URB1: variants seen among roughly 807,000 people sequenced by gnomAD.
URB1 encodes the protein URB1 ribosome biogenesis factor.
Under a neutral mutation model 242.3 loss-of-function variants are expected in URB1, and 197 were observed. That is an observed-to-expected ratio of 0.81 (90% CI 0.72 to 0.91). The LOEUF (loss-of-function observed/expected upper bound fraction) is 0.91, where lower values mean the gene tolerates loss of function less well. Ranked by LOEUF, URB1 falls within the 40% of genes least tolerant of loss-of-function variation. The probability of loss-of-function intolerance (pLI) is 0.00; values close to 1 mark genes in which losing one functional copy is unlikely to be tolerated. For synonymous variants in URB1, 1,153 were observed against 1,201.8 expected (o/e 0.96, Z 0.84); for missense variants, 2,721 against 2,860.5 (o/e 0.95, Z 1.11).
At chr21:32,329,884 A>G (rs2032873718) in intron 30 of URB1, among the ~76,000 whole-genome samples, 1 of 152,240 alleles carries the variant, frequency 6.6e-6, no homozygotes, top group Non-Finnish European at 1.5e-5. Flanking sequence ...GCAGCTTGGC[A>G]GCAAAGATTA....
chr21:32,354,870 G>T lies in URB1; in HGVS notation c.2234C>A (p.Ser745Tyr), dbSNP rs965863383. The T allele has an allele frequency of 3.7e-5, 57 of 1,552,250 alleles. No individual in the cohort carries two copies. Among genetic ancestry groups the T allele is most frequent in the Non-Finnish European group, 4.6e-5 (53 of 1,147,124 alleles). The stretch of plus-strand genomic sequence containing the variant: ...AGAATGGAACATACCGTCAATGTGG[G>T]AGATGGGAATGCTCATGTCATCGGC... ...QEADDMSIPI[S>Y]HIDDVLDMVD... Residue 745 changes from serine (S) to tyrosine (Y), a missense_variant, in exon 17 of 39, where the codon TCC (serine) becomes TAC (tyrosine). Physicochemically the swap from Ser to Tyr is moderately radical, Grantham distance 144. Transcript: ENST00000382751.
chr21:32,357,031 T>C (rs751746844), intron 15 of URB1, among the ~76,000 whole-genome samples: 47 of 152,228 alleles, frequency 3.1e-4, no homozygotes, highest in African/African-American at 8.4e-4. Context: ...CCAAGCTGTT[T>C]GTTGCAGAGC....
In URB1 at chr21:32,348,216, C is replaced by A. The variant is rs551057417; in HGVS notation, c.3013-405G>T. On this transcript the variant is annotated intron_variant, in intron 21 of 38. Transcript: ENST00000382751. ...AGAAACACCACCATGTGAGTAAGAT[C>A]AATCAGCTGCTGGCTTCTCCTCAGC... 5.9e-5 allele frequency among the ~76,000 whole-genome samples: 9 copies of A among 152,312 alleles called. No individual in the cohort carries two copies. In the East Asian group the frequency reaches 1.7e-3, roughly 29 times the overall value.
chr21:32,319,121 G>T, intron 36 of URB1, 96 bp downstream of exon 36: 2 of 1,286,188 alleles, frequency 1.6e-6, no homozygotes, highest in Non-Finnish European at 2.1e-6. Context: ...CGTCCCCCTG[G>T]TACAGAGTCA....
At chr21:32,392,305 G>A (rs967019442) in intron 1 of URB1, among the ~76,000 whole-genome samples, 19 of 152,188 alleles carry the variant, frequency 1.2e-4, no homozygotes, top group African/African-American at 4.3e-4. Flanking sequence ...AGTAGCTGTG[G>A]TGGCTTCTAG....
chr21:32,387,255 C>A (rs760383826), intron 1 of URB1, among the ~76,000 whole-genome samples: 6 of 152,154 alleles, frequency 3.9e-5, no homozygotes, highest in Non-Finnish European at 8.8e-5. Context: ...TGTGCCGCTG[C>A]CCACAGAATT....
At position 32,351,293 on chromosome 21, in the gene URB1, G is replaced by A. The variant is rs115359752; in HGVS notation, c.2614-371C>T. Among the ~76,000 whole-genome samples, 386 of 152,304 alleles carry A rather than the reference G, an allele frequency of 2.5e-3. 1 individual carries two copies. Among genetic ancestry groups the A allele is most frequent in the African/African-American group, 8.4e-3 (351 of 41,556 alleles). On this transcript the variant is annotated intron_variant, in intron 19 of 38. Transcript: ENST00000382751. The stretch of plus-strand genomic sequence containing the variant: ...CAGCCCACAGAGAAGCCCGCTCTGC[G>A]AGTGGCCTGCCTTCGGAAGACCTTC...
At chr21:32,322,290 G>C (rs901971352) in intron 33 of URB1, among the ~76,000 whole-genome samples, 188 bp downstream of exon 33, 11 of 152,230 alleles carry the variant, frequency 7.2e-5, no homozygotes, top group African/African-American at 2.4e-5. Flanking sequence ...TTTAAGGTTT[G>C]AGGCGCCATG....
At chr21:32,389,627 C>T (rs1476178231) in intron 1 of URB1, among the ~76,000 whole-genome samples, 3 of 152,194 alleles carry the variant, frequency 2.0e-5, no homozygotes, top group African/African-American at 7.2e-5. Flanking sequence ...CTGATGCAGA[C>T]GGAGGGTTCT....
intron 1 of URB1, among the ~76,000 whole-genome samples, chr21:32,387,279 C>T (rs1026650012): frequency 1.3e-5 from 2 of 152,166 alleles, no homozygotes; most frequent in Non-Finnish European, 2.9e-5. Context: ...CTGCCAGAAC[C>T]TGTTCTATAA....
intron 9 of URB1, among the ~76,000 whole-genome samples, chr21:32,367,160 GCA>G (rs2033355502): frequency 6.6e-6 from 1 of 152,158 alleles, no homozygotes; most frequent in Non-Finnish European, 1.5e-5. Context: ...TTTGGGATAG[GCA>G]CACTTTACAT....
At chr21:32,316,424 T>C in intron 38 of URB1, 42 bp downstream of exon 38, 1 of 1,463,482 alleles carries the variant, frequency 6.8e-7, no homozygotes, top group Non-Finnish European at 9.0e-7. Flanking sequence ...GGCCCACTTC[T>C]GCATCTATTT....
chr21:32,371,415 C>T (rs2033404798), intron 8 of URB1, among the ~76,000 whole-genome samples: 1 of 152,156 alleles, frequency 6.6e-6, no homozygotes, highest in African/African-American at 2.4e-5. Context: ...GGGAACAATG[C>T]ATGTGTTTTA....
chr21:32,311,636 G>A lies in URB1; in HGVS notation c.*3282C>T. On this transcript the variant is annotated 3_prime_UTR_variant, in exon 39 of 39. Coordinates refer to ENST00000382751, the MANE Select transcript of URB1 (RefSeq NM_014825.3). Reference sequence around the variant, plus strand: ...ACCCCCCAGCCCCACAGTATGGACTGTTCTGCAGCAACTATGATGCCTGCC... The same window carrying A: ...ACCCCCCAGCCCCACAGTATGGACTATTCTGCAGCAACTATGATGCCTGCC... 1.2e-6 allele frequency: 2 copies of A among 1,602,688 alleles called. No homozygotes were observed. The highest frequency in any genetic ancestry group is 1.7e-6 in the Non-Finnish European group (2 of 1,174,640).
Position 32,334,366 on chromosome 21 carries a change from A to G in URB1, c.4686-32T>C, listed in dbSNP as rs930354073. 68 of 1,523,584 alleles carry G rather than the reference A, an allele frequency of 4.5e-5. No individual in the cohort carries two copies. In the Middle Eastern group the frequency reaches 5.1e-4, roughly 11 times the overall value. The allele number at this position is 1,523,584 out of a possible 1,614,324, so 94.4% of individuals were successfully genotyped here. On this transcript the variant is annotated intron_variant, in intron 28 of 38. Coordinates refer to ENST00000382751, the MANE Select transcript of URB1 (RefSeq NM_014825.3). ...CCAGAAAAGGGAAAAGAGACTGGTCACAGAGCCCCCCGGGAACAGAATTAA... is the reference window on the plus strand; with the variant it reads ...CCAGAAAAGGGAAAAGAGACTGGTCGCAGAGCCCCCCGGGAACAGAATTAA...
Position 32,363,296 on chromosome 21 carries a change from A to G in URB1, c.1369T>C (p.Ser457Pro), listed in dbSNP as rs148292685. Reference sequence around the variant, plus strand: ...CTCTTCAAAATGACAGAAATAAGGGATAAGGCTGTGTGCCTCACTGAGGTG... The same window carrying G: ...CTCTTCAAAATGACAGAAATAAGGGGTAAGGCTGTGTGCCTCACTGAGGTG... ...DSTSVRHTALSLISVILKRAL... is the reference protein window; with the variant it reads ...DSTSVRHTALPLISVILKRAL... The change falls in exon 11 of 39, where the codon TCC becomes CCC. Residue 457 changes from serine (S) to proline (P), a missense_variant. Transcript: ENST00000382751. 6.0e-5 allele frequency: 93 copies of G among 1,551,556 alleles called. No individual in the cohort carries two copies. Among genetic ancestry groups the G allele is most frequent in the Admixed American group, 1.6e-4 (8 of 50,984 alleles).
chr21:32,329,141 A>T (rs2032864480), intron 30 of URB1, among the ~76,000 whole-genome samples: 1 of 151,732 alleles, frequency 6.6e-6, no homozygotes, highest in African/African-American at 2.4e-5. Flanking sequence ...GGTGGTGCAC[A>T]TTTGCAGTCC....
In URB1 at chr21:32,378,488, A is replaced by G. The variant is rs1480748581; in HGVS notation, c.621T>C (p.Ile207=). ...GCACTATAGTGCTGTCATCACCCGC[A>G]ATTAAAAAGGAGAGAGCAAACTGAA... ...AYVQFALSFL[I]AGDDSTIVQV... Residue 207 remains isoleucine (I), a synonymous_variant, in exon 5 of 39, where the codon ATT becomes ATC. Transcript: ENST00000382751. 1 of 1,551,664 alleles carries G rather than the reference A, an allele frequency of 6.4e-7. No homozygotes were observed. Among genetic ancestry groups the G allele is most frequent in the South Asian group, 1.2e-5 (1 of 84,056 alleles).
intron 30 of URB1, among the ~76,000 whole-genome samples, chr21:32,330,748 G>A (rs2032884576): frequency 6.6e-6 from 1 of 152,248 alleles, no homozygotes; most frequent in South Asian, 2.1e-4. Context: ...GAGATCTGCT[G>A]CAGTTAGCCT....
Sources: allele counts gnomAD v4.1 joint callset (sites outside exome capture counted in the v4.1 genomes callset), GRCh38; gene constraint gnomAD v4.1.1; transcripts MANE v1.5; gene names NCBI Gene and HGNC (gene_info 2026-07-23, HGNC 2026-07-21).